Variants in FBXL20 observed in about 807,000 individuals in gnomAD.
The protein encoded by FBXL20 is F-box and leucine rich repeat protein 20.
A neutral mutation model predicts 64.0 loss-of-function variants in FBXL20; 11 were observed. The ratio of observed to expected loss-of-function variants is 0.17; its 90% CI spans 0.11 to 0.28. The LOEUF (loss-of-function observed/expected upper bound fraction) is 0.28. Ranked by LOEUF, FBXL20 falls within the 10% of genes least tolerant of loss-of-function variation. The pLI is 1.00. For missense variants in FBXL20, 303 were observed against 526.2 expected (o/e 0.58, Z 4.15); for synonymous variants, 184 against 189.0 (o/e 0.97, Z 0.22).
chr17:39,401,754 G>A (rs2048248222), upstream of FBXL20: 3 of 1,074,666 alleles, frequency 2.8e-6, no homozygotes, highest in Non-Finnish European at 2.3e-6. Flanking sequence ...GGAGCGCGGC[G>A]GCGGCGGCGC....
intron 1 of FBXL20, among the ~76,000 whole-genome samples, chr17:39,400,843 C>A (rs563111191): frequency 5.3e-5 from 8 of 152,320 alleles, no homozygotes; most frequent in African/African-American, 1.7e-4. Flanking sequence ...ATACCCAAAC[C>A]AAACACAGCA....
chr17:39,272,182 C>T (rs2046849879), intron 10 of FBXL20, among the ~76,000 whole-genome samples: 1 of 151,844 alleles, frequency 6.6e-6, no homozygotes, highest in Admixed American at 6.6e-5. Flanking sequence ...GTCAGGAGAT[C>T]GAGACCAGCC....
chr17:39,276,248 C>A (rs1466977804), intron 9 of FBXL20, among the ~76,000 whole-genome samples: 578 of 82,850 alleles, frequency 7.0e-3, no homozygotes, highest in Admixed American at 0.011. Flanking sequence ...AAAAAAGGGA[C>A]GGGAAGGGAA....
chr17:39,374,130 C>A (rs552418269), intron 1 of FBXL20, among the ~76,000 whole-genome samples: 1 of 144,904 alleles, frequency 6.9e-6, no homozygotes, highest in African/African-American at 2.6e-5. Flanking sequence ...GAGGCTAAGG[C>A]AGGAGAATCG....
intron 1 of FBXL20, among the ~76,000 whole-genome samples, chr17:39,387,139 T>C (rs550773146): frequency 1.3e-5 from 2 of 152,316 alleles, no homozygotes; most frequent in South Asian, 4.1e-4. Flanking sequence ...TTAAGTTACA[T>C]GTGATATTTA....
chr17:39,298,524 G>A (rs1445646555), intron 5 of FBXL20, among the ~76,000 whole-genome samples: 1 of 152,090 alleles, frequency 6.6e-6, no homozygotes, highest in Non-Finnish European at 1.5e-5. Context: ...TTCGAGACCA[G>A]CCTGGACAAC....
At chr17:39,315,088 T>G (rs1226982066) in intron 2 of FBXL20, among the ~76,000 whole-genome samples, 1 of 152,012 alleles carries the variant, frequency 6.6e-6, no homozygotes, top group Non-Finnish European at 1.5e-5. Context: ...TGGGCTACTG[T>G]GCCCAGCTTA....
At chr17:39,310,293 T>C (rs1358539414) in intron 2 of FBXL20, among the ~76,000 whole-genome samples, 4 of 152,092 alleles carry the variant, frequency 2.6e-5, no homozygotes, top group African/African-American at 9.6e-5. Context: ...ATGTCACAGC[T>C]AGAATTTCCA....
intron 1 of FBXL20, among the ~76,000 whole-genome samples, chr17:39,396,596 C>CAAAA (rs35394824): frequency 9.7e-6 from 1 of 103,202 alleles, no homozygotes; most frequent in Non-Finnish European, 2.1e-5. Context: ...AACTCCGTCT[C>CAAAA]AAAAAAAAAA....
intron 2 of FBXL20, among the ~76,000 whole-genome samples, chr17:39,336,846 A>G (rs555457674): frequency 6.6e-6 from 1 of 152,024 alleles, no homozygotes; most frequent in East Asian, 1.9e-4. Context: ...GAAAAGAAAA[A>G]GAAAGTAGAA....
chr17:39,332,481 G>C (rs2047470734), intron 2 of FBXL20, among the ~76,000 whole-genome samples: 1 of 144,138 alleles, frequency 6.9e-6, no homozygotes, highest in Admixed American at 6.9e-5. Flanking sequence ...CTTACTTCTA[G>C]TTTCCTACAC....
At chr17:39,281,165 C>T (rs746213589) in intron 9 of FBXL20, among the ~76,000 whole-genome samples, 1 of 152,120 alleles carries the variant, frequency 6.6e-6, no homozygotes, top group Non-Finnish European at 1.5e-5. Context: ...GTTAGTTCAT[C>T]TGGAATTCTG....
Position 39,261,349 on chromosome 17 carries a change from A to T in FBXL20, c.*111T>A. On this transcript the variant is annotated 3_prime_UTR_variant, in exon 15 of 15. Transcript: ENST00000264658. ...GGGGATCTGGACACTGCCCTCCCTCACTTTGTAACCCTTGCTCAGAACACT... is the reference window on the plus strand; with the variant it reads ...GGGGATCTGGACACTGCCCTCCCTCTCTTTGTAACCCTTGCTCAGAACACT... The T allele has an allele frequency of 1.1e-6, 1 of 876,060 alleles. No homozygotes were observed. The highest frequency in any genetic ancestry group is 1.9e-6 in the Non-Finnish European group (1 of 516,568). The allele number at this position is 876,060 out of a possible 1,614,324, so 54.3% of individuals were successfully genotyped here.
intron 2 of FBXL20, among the ~76,000 whole-genome samples, chr17:39,311,965 A>C (rs1033702302): frequency 4.6e-5 from 7 of 152,180 alleles, no homozygotes; most frequent in African/African-American, 1.7e-4. Context: ...CATTAAACAC[A>C]CATCTCAACA....
chr17:39,270,596 C>G (rs1166510854), intron 11 of FBXL20, among the ~76,000 whole-genome samples, 200 bp downstream of exon 11: 2 of 152,026 alleles, frequency 1.3e-5, no homozygotes, highest in Non-Finnish European at 2.9e-5. Flanking sequence ...GTTTTATATT[C>G]TCCAATGCAT....
chr17:39,283,911 A>T (rs1233380347), intron 7 of FBXL20, among the ~76,000 whole-genome samples: 2 of 124,574 alleles, frequency 1.6e-5, no homozygotes, highest in African/African-American at 4.6e-5. Context: ...CAGAAGATAA[A>T]GCCATGATAT....
At chr17:39,378,582 A>C (rs1839947554) in intron 1 of FBXL20, among the ~76,000 whole-genome samples, 1 of 151,852 alleles carries the variant, frequency 6.6e-6, no homozygotes, top group Admixed American at 6.6e-5. Context: ...ATGAGATACT[A>C]CCTGACACCC....
chr17:39,342,313 C>T (rs2047590317), intron 2 of FBXL20, among the ~76,000 whole-genome samples: 1 of 152,070 alleles, frequency 6.6e-6, no homozygotes, highest in South Asian at 2.1e-4. Context: ...AGTCTGTAAT[C>T]CCAGCACCCT....
At chr17:39,272,924 GAA>G (rs1567858853) in intron 10 of FBXL20, among the ~76,000 whole-genome samples, 1 of 152,142 alleles carries the variant, frequency 6.6e-6, no homozygotes, top group Non-Finnish European at 1.5e-5. Context: ...TATTCAGAGA[GAA>G]GTTTGATTAC....
Sources: allele counts gnomAD v4.1 joint callset (sites outside exome capture counted in the v4.1 genomes callset), GRCh38; gene constraint gnomAD v4.1.1; transcripts MANE v1.5; gene names NCBI Gene and HGNC (gene_info 2026-07-23, HGNC 2026-07-21).